Variants in GRIK3 observed in about 807,000 individuals in gnomAD.
The protein encoded by GRIK3 is glutamate ionotropic receptor kainate type subunit 3.
A neutral mutation model predicts 102.5 loss-of-function variants in GRIK3; 29 were observed. The observed-to-expected ratio is 0.28, with a 90% CI of 0.21 to 0.39. GRIK3 has a LOEUF of 0.39. GRIK3 is among the 10% of genes least tolerant of loss of function. The pLI is 1.00. For synonymous variants in GRIK3, 511 were observed against 504.9 expected (o/e 1.01, Z -0.16); for missense variants, 908 against 1,252.4 (o/e 0.73, Z 4.15).
chr1:36,861,237 A>C (rs907380116), intron 5 of GRIK3, among the ~76,000 whole-genome samples: 1 of 151,912 alleles, frequency 6.6e-6, no homozygotes, highest in Non-Finnish European at 1.5e-5. Flanking sequence ...TTTGCATAAG[A>C]CTCATGGTTT....
chr1:36,818,681 G>C (rs990076420), intron 12 of GRIK3, among the ~76,000 whole-genome samples: 1 of 152,208 alleles, frequency 6.6e-6, no homozygotes, highest in Admixed American at 6.5e-5. Flanking sequence ...GCATGTAGTG[G>C]GTGCCCAGGA....
chr1:36,922,090 A>G (rs1290622271), intron 1 of GRIK3, among the ~76,000 whole-genome samples: 1 of 152,194 alleles, frequency 6.6e-6, no homozygotes, highest in African/African-American at 2.4e-5. Context: ...CAGAGTGCAC[A>G]CTGGGATCCA....
intron 1 of GRIK3, among the ~76,000 whole-genome samples, chr1:36,901,351 T>C (rs1303028041): frequency 6.6e-6 from 1 of 152,222 alleles, no homozygotes; most frequent in Non-Finnish European, 1.5e-5. Flanking sequence ...AAGTGGGATT[T>C]ACCCCAGGTA....
chr1:36,888,567 G>A (rs1461996388), intron 2 of GRIK3, among the ~76,000 whole-genome samples: 2 of 152,108 alleles, frequency 1.3e-5, no homozygotes, highest in African/African-American at 2.4e-5. Context: ...TCCCAGTATG[G>A]CACCTGTTGC....
chr1:37,021,393 A>G (rs955255065), intron 1 of GRIK3, among the ~76,000 whole-genome samples: 1 of 152,098 alleles, frequency 6.6e-6, no homozygotes, highest in Non-Finnish European at 1.5e-5. Flanking sequence ...CCACCAAACA[A>G]GATTACCTTG....
chr1:36,890,040 G>C (rs1641084436), intron 2 of GRIK3, among the ~76,000 whole-genome samples: 1 of 152,100 alleles, frequency 6.6e-6, no homozygotes, highest in South Asian at 2.1e-4. Context: ...GAAAAGAGTG[G>C]CAGGGAGCAG....
intron 9 of GRIK3, among the ~76,000 whole-genome samples, chr1:36,842,217 G>C (rs1261862263): frequency 6.6e-6 from 1 of 152,156 alleles, no homozygotes; most frequent in Non-Finnish European, 1.5e-5. Flanking sequence ...GTGGAGCAGG[G>C]CTTTGAACTG....
intron 1 of GRIK3, among the ~76,000 whole-genome samples, chr1:36,969,662 A>G (rs1642120935): frequency 6.6e-6 from 1 of 152,230 alleles, no homozygotes; most frequent in Non-Finnish European, 1.5e-5. Context: ...GATATTCGAA[A>G]GGGCTTCATT....
intron 1 of GRIK3, among the ~76,000 whole-genome samples, chr1:36,994,066 C>T (rs1467849775): frequency 2.0e-5 from 3 of 152,210 alleles, no homozygotes; most frequent in African/African-American, 7.2e-5. Flanking sequence ...CTAGGGGACC[C>T]AGCCCATGCA....
chr1:36,920,276 A>G (rs1036970967), intron 1 of GRIK3, among the ~76,000 whole-genome samples: 9 of 152,166 alleles, frequency 5.9e-5, no homozygotes, highest in African/African-American at 2.2e-4. Context: ...GCTGTTACTC[A>G]ACCCCTCTGC....
At chr1:36,879,556 G>A (rs1640943167) in intron 3 of GRIK3, among the ~76,000 whole-genome samples, 1 of 152,196 alleles carries the variant, frequency 6.6e-6, no homozygotes, top group South Asian at 2.1e-4. Flanking sequence ...GAGTGCGTTT[G>A]CTGGGTTTGT....
chr1:36,856,243 CAA>C, intron 7 of GRIK3, among the ~76,000 whole-genome samples: 1 of 152,214 alleles, frequency 6.6e-6, no homozygotes. Flanking sequence ...CAGGTGCCTT[CAA>C]ACCTGCACTG....
chr1:36,845,874 G>A (rs1349189962), intron 9 of GRIK3, among the ~76,000 whole-genome samples: 1 of 152,196 alleles, frequency 6.6e-6, no homozygotes, highest in Non-Finnish European at 1.5e-5. Context: ...TCCTGCTGCT[G>A]GGTGCTGAGT....
chr1:36,896,002 A>G (rs1641168134), intron 1 of GRIK3, among the ~76,000 whole-genome samples: 1 of 152,182 alleles, frequency 6.6e-6, no homozygotes, highest in African/African-American at 2.4e-5. Flanking sequence ...GAAAATAAAA[A>G]CCAACCTATA....
intron 1 of GRIK3, among the ~76,000 whole-genome samples, chr1:37,018,273 A>G (rs1642674433): frequency 6.6e-6 from 1 of 152,220 alleles, no homozygotes; most frequent in South Asian, 2.1e-4. Context: ...CTGGCCCATA[A>G]TAGGAAGCCC....
At chr1:36,840,551 CAAAAAAAAA>C (rs11442581) in intron 10 of GRIK3, among the ~76,000 whole-genome samples, 3 of 73,312 alleles carry the variant, frequency 4.1e-5, no homozygotes, top group African/African-American at 1.6e-4. Flanking sequence ...TGCTCTCCAC[CAAAAAAAAA>C]AAAAAAAAAA....
At chr1:36,842,064 C>G in intron 9 of GRIK3, 125 bp from the exon 10 acceptor site, 2 of 784,338 alleles carry the variant, frequency 2.5e-6, no homozygotes, top group Non-Finnish European at 4.3e-6. Flanking sequence ...GTGGCTTAGA[C>G]AAAGGGCCCG....
chr1:37,003,018 G>GT (rs1306169886), intron 1 of GRIK3, among the ~76,000 whole-genome samples: 3,228 of 82,452 alleles, frequency 0.039, 167 homozygotes, highest in African/African-American at 0.15. Context: ...AATAAAAGCT[G>GT]TTGTTTTTTT....
At chr1:36,849,591 T>A (rs965086003) in intron 9 of GRIK3, 1 of 152,298 alleles carries the variant, frequency 6.6e-6, no homozygotes, top group African/African-American at 2.4e-5. Flanking sequence ...AGAGGATCTG[T>A]CCTGAGTCTC....
Sources: gnomAD v4.1 joint callset for allele counts (sites outside exome capture counted in the v4.1 genomes callset) on GRCh38, gnomAD v4.1.1 for gene constraint, MANE v1.5 for transcripts, NCBI Gene and HGNC (gene_info 2026-07-23, HGNC 2026-07-21) for gene names.